The following PPP1R3F variants were observed in gnomAD, a reference collection of about 807,000 sequenced individuals.
PPP1R3F encodes the protein protein phosphatase 1 regulatory subunit 3F.
A neutral mutation model predicts 24.2 loss-of-function variants in PPP1R3F; 29 were observed. The ratio of observed to expected loss-of-function variants is 1.20; its 90% CI spans 0.89 to 1.63. The LOEUF (loss-of-function observed/expected upper bound fraction) is 1.63. Among genes scored for constraint, PPP1R3F ranks in the 40% most tolerant of loss-of-function variants. The pLI, the probability that PPP1R3F is intolerant of heterozygous loss-of-function variation, is 0.00. For missense variants in PPP1R3F, 823 were observed against 729.3 expected (o/e 1.13, Z -1.48); for synonymous variants, 363 against 340.1 (o/e 1.07, Z -0.74).
At chrX:49,300,394 A>G (rs1171728440) in intron 3 of PPP1R3F, among the ~76,000 whole-genome samples, 2 of 109,638 alleles carry the variant, frequency 1.8e-5, no homozygotes, top group Non-Finnish European at 3.8e-5. Context: ...CTGGAAATGC[A>G]GAAATCACCC....
chrX:49,284,488 C>T (rs1315357748), intron 3 of PPP1R3F, among the ~76,000 whole-genome samples: 14 of 69,610 alleles, frequency 2.0e-4, no homozygotes, highest in Admixed American at 3.4e-4. Context: ...CTCTCTCTTT[C>T]TTTCTTTTTT....
At chrX:49,282,633 G>A (rs189043218) in intron 3 of PPP1R3F, among the ~76,000 whole-genome samples, 1 of 109,365 alleles carries the variant, frequency 9.1e-6, no homozygotes, top group East Asian at 2.9e-4. Context: ...CCAGGCGAGT[G>A]TGAAGTTCCT....
chrX:49,292,485 A>T (rs782305219), downstream of PPP1R3F, among the ~76,000 whole-genome samples: 1 of 112,851 alleles, frequency 8.9e-6, no homozygotes, highest in Admixed American at 9.3e-5. Flanking sequence ...TGAGGGCACC[A>T]GCCTGGATCC....
intron 1 of PPP1R3F, among the ~76,000 whole-genome samples, chrX:49,279,241 AAAAC>A (rs2066232552): frequency 9.0e-6 from 1 of 111,696 alleles, no homozygotes; most frequent in Non-Finnish European, 1.9e-5. Context: ...AAAATACAAA[AAAAC>A]AAAAACAAAA....
In PPP1R3F at chrX:49,286,976, C is replaced by T; in HGVS notation, c.2286C>T (p.Pro762=). The change falls in exon 4 of 4, where the codon CCC becomes CCT. Residue 762 remains proline (P), a synonymous_variant. Transcript: ENST00000055335. The part of the protein sequence containing the change: ...VCALPPQLRG[P]LTQTLGVLAG... ...CACTGCCTCCTCAGCTCCGGGGGCC[C>T]TTGACCCAGACTCTGGGGGTCCTGG... The T allele has an allele frequency of 8.3e-7, 1 of 1,211,726 alleles. No individual in the cohort carries two copies. The highest frequency in any genetic ancestry group is 1.1e-6 in the Non-Finnish European group (1 of 895,342).
downstream of PPP1R3F, among the ~76,000 whole-genome samples, chrX:49,288,652 T>G (rs1717776174): frequency 8.9e-6 from 1 of 112,365 alleles, no homozygotes; most frequent in African/African-American, 3.2e-5. Flanking sequence ...GACACACTCG[T>G]GTAGACACAG....
At chrX:49,289,753 G>A (rs782445956), downstream of PPP1R3F, among the ~76,000 whole-genome samples, 2 of 111,379 alleles carry the variant, frequency 1.8e-5, no homozygotes, top group African/African-American at 6.5e-5. Flanking sequence ...TCATGGATGT[G>A]CAATTTATTC....
intron 3 of PPP1R3F, among the ~76,000 whole-genome samples, chrX:49,299,955 G>A (rs1224522269): frequency 8.9e-6 from 1 of 112,082 alleles, no homozygotes; most frequent in Non-Finnish European, 1.9e-5. Context: ...GCTCCGTGGT[G>A]GTGGGACCTG....
At position 49,269,803 on chromosome X, in the gene PPP1R3F, C is replaced by T. The variant is rs2066158036; in HGVS notation, c.-67C>T. On this transcript the variant is annotated 5_prime_UTR_variant, in exon 1 of 4. Coordinates refer to ENST00000055335, the MANE Select transcript of PPP1R3F (RefSeq NM_033215.5). The stretch of plus-strand genomic sequence containing the variant: ...CGCGCTGGCCTTCCCATTGGCTGCC[C>T]GCCCCTTCAGGCCCTGCCCCCGCCG... 7.1e-6 allele frequency: 5 copies of T among 705,441 alleles called. No individual in the cohort carries two copies. Among genetic ancestry groups the T allele is most frequent in the Non-Finnish European group, 3.5e-6 (2 of 564,490 alleles). 58.1% of individuals were successfully genotyped at this position (705,441 alleles called of 1,213,427 possible). A position where few individuals can be genotyped will look rare whatever the true frequency, so the allele number is the denominator to read the frequency against.
chrX:49,278,281 A>G (rs1214305489), intron 1 of PPP1R3F, among the ~76,000 whole-genome samples: 11 of 112,222 alleles, frequency 9.8e-5, no homozygotes, highest in Admixed American at 3.8e-4. Flanking sequence ...TACTGCGCAC[A>G]GGTGGGAGGG....
intron 1 of PPP1R3F, chrX:49,281,026 C>T (rs782569131): frequency 3.6e-4 from 51 of 142,046 alleles, no homozygotes; most frequent in Non-Finnish European, 4.8e-4. Flanking sequence ...ATTAAGCAGC[C>T]ATTTGAAATG....
intron 3 of PPP1R3F, among the ~76,000 whole-genome samples, chrX:49,285,586 C>T (rs1026237831): frequency 2.7e-5 from 3 of 111,908 alleles, no homozygotes; most frequent in Non-Finnish European, 3.8e-5. Context: ...TCACACCCAC[C>T]GAATTCCTCA....
rs968825820 is a variant in PPP1R3F at position 49,286,351 on chromosome X, C to T, written c.1661C>T (p.Thr554Met). The T allele has an allele frequency of 4.2e-6, 5 of 1,201,052 alleles. No homozygotes were observed. Among genetic ancestry groups the T allele is most frequent in the South Asian group, 1.8e-5 (1 of 55,497 alleles). The change falls in exon 4 of 4, where the codon ACG becomes ATG. Residue 554 changes from threonine to methionine, a missense_variant. Thr to Met is a moderately conservative substitution (Grantham distance 81). Transcript: ENST00000055335. ...ALNSALAEEITLHYARLGRGV... is the reference protein window; with the variant it reads ...ALNSALAEEIMLHYARLGRGV... ...AACAGCGCCCTGGCTGAGGAGATCACGCTGCACTATGCCCGGCTGGGGCGT... is the reference window on the plus strand; with the variant it reads ...AACAGCGCCCTGGCTGAGGAGATCATGCTGCACTATGCCCGGCTGGGGCGT...
chrX:49,296,833 G>A (rs1394417252), intron 3 of PPP1R3F, among the ~76,000 whole-genome samples: 1 of 112,117 alleles, frequency 8.9e-6, no homozygotes, highest in Non-Finnish European at 1.9e-5. Flanking sequence ...TTTTGAGTGA[G>A]TTTCTTAATT....
chrX:49,270,885 C>T lies in PPP1R3F; in HGVS notation c.1004+12C>T, dbSNP rs2066175262. 1 of 1,162,525 alleles carries T rather than the reference C, an allele frequency of 8.6e-7. No individual in the cohort carries two copies. Among genetic ancestry groups the T allele is most frequent in the Non-Finnish European group, 1.1e-6 (1 of 870,743 alleles). ...CCGGTGAGGCGCAGGTAATGTCAGC[C>T]AGCGCCACCTCCGCCAACGCAGGGC... On this transcript the variant is annotated intron_variant, in intron 1 of 3. Coordinates refer to ENST00000055335, the MANE Select transcript of PPP1R3F (RefSeq NM_033215.5).
intron 3 of PPP1R3F, among the ~76,000 whole-genome samples, chrX:49,296,254 A>G (rs2066322466): frequency 8.9e-6 from 1 of 111,806 alleles, no homozygotes; most frequent in Non-Finnish European, 1.9e-5. Context: ...GGGAGGGTGT[A>G]TGTATCCAGG....
In PPP1R3F at chrX:49,286,486, C is replaced by A; in HGVS notation, c.1796C>A (p.Pro599His). 1 of 1,207,366 alleles carries A rather than the reference C, an allele frequency of 8.3e-7. No homozygotes were observed. The highest frequency in any genetic ancestry group is 1.1e-6 in the Non-Finnish European group (1 of 892,360). ...GAAGGGGACAGCCCCAAGGAATCGC[C>A]TCCAGAAATCCTCTCCGGGGCCCGT... ...SPEGDSPKES[P>H]PEILSGARSV... Residue 599 changes from proline to histidine, a missense_variant, in exon 4 of 4, where the codon CCT (proline) becomes CAT (histidine). Pro to His is a moderately conservative substitution (Grantham distance 77). Transcript: ENST00000055335.
In PPP1R3F at chrX:49,281,256, G is replaced by A. The variant is rs782016634; in HGVS notation, c.1005-150G>A. 6 of 365,004 alleles carry A rather than the reference G, an allele frequency of 1.6e-5. No individual in the cohort carries two copies. In the South Asian group the frequency reaches 3.9e-4, roughly 24 times the overall value. 30.1% of individuals were successfully genotyped at this position (365,004 alleles called of 1,213,427 possible). ...TATAATGAGGCTGTAGGACTTTTAGGATGAGGGGATAAACAAAGGCAGCAG... is the reference window on the plus strand; with the variant it reads ...TATAATGAGGCTGTAGGACTTTTAGAATGAGGGGATAAACAAAGGCAGCAG... On this transcript the variant is annotated intron_variant, in intron 1 of 3. Transcript: ENST00000055335.
chrX:49,270,140 G>T lies in PPP1R3F; in HGVS notation c.271G>T (p.Gly91Trp). ...CGACGATGGCGAGGATGGGGATGAA[G>T]GGGAGGAGGAAGAGGAGGCTTGCCC... Reference protein sequence around the residue: ...EDDDGEDGDEGEEEEEACPEP... With the variant: ...EDDDGEDGDEWEEEEEACPEP... Residue 91 changes from glycine to tryptophan, a missense_variant, in exon 1 of 4, where the codon GGG (glycine) becomes TGG (tryptophan). Transcript: ENST00000055335. 3 of 1,075,320 alleles carry T rather than the reference G, an allele frequency of 2.8e-6. No homozygotes were observed. Among genetic ancestry groups the T allele is most frequent in the Non-Finnish European group, 3.6e-6 (3 of 833,954 alleles). 88.6% of individuals were successfully genotyped at this position (1,075,320 alleles called of 1,213,427 possible). A position where few individuals can be genotyped will look rare whatever the true frequency, so the allele number is the denominator to read the frequency against.
Sources: allele counts gnomAD v4.1 joint callset (sites outside exome capture counted in the v4.1 genomes callset), GRCh38; gene constraint gnomAD v4.1.1; transcripts MANE v1.5; gene names NCBI Gene and HGNC (gene_info 2026-07-23, HGNC 2026-07-21).